The following GNG2 variants were observed in gnomAD, a reference collection of about 807,000 sequenced individuals.
GNG2 encodes G protein subunit gamma 2.
Under a neutral mutation model 5.5 loss-of-function variants are expected in GNG2, and 5 were observed. The ratio of observed to expected loss-of-function variants is 0.91; its 90% CI spans 0.48 to 1.92. The LOEUF (loss-of-function observed/expected upper bound fraction) is 1.92, where lower values mean the gene tolerates loss of function less well. GNG2 is among the 30% of genes most tolerant of loss of function. The probability of loss-of-function intolerance (pLI) is 0.01; values close to 1 mark genes in which losing one functional copy is unlikely to be tolerated. For missense variants in GNG2, 55 were observed against 88.4 expected, an observed-to-expected ratio of 0.62 and a Z score of 1.52; for synonymous variants, 28 against 32.0, an observed-to-expected ratio of 0.88 and a Z score of 0.42.
intron 2 of GNG2, among the ~76,000 whole-genome samples, chr14:51,906,319 C>T (rs1471242237): frequency 6.6e-6 from 1 of 152,228 alleles, no homozygotes; most frequent in Admixed American, 6.5e-5. Flanking sequence ...ATGTACCATA[C>T]TTACTGATAT....
intron 3 of GNG2, among the ~76,000 whole-genome samples, chr14:51,959,582 A>G (rs931844997): frequency 2.6e-5 from 4 of 152,148 alleles, no homozygotes; most frequent in Non-Finnish European, 5.9e-5. Context: ...ACTTTGATAA[A>G]GCAGTAGCCT....
intron 2 of GNG2, among the ~76,000 whole-genome samples, chr14:51,943,230 C>G (rs973407630): frequency 1.4e-4 from 21 of 152,094 alleles, no homozygotes; most frequent in Non-Finnish European, 2.9e-4. Flanking sequence ...AATGAATCAC[C>G]CTCTTTTTAA....
chr14:51,922,400 T>A (rs1469616755), intron 2 of GNG2, among the ~76,000 whole-genome samples: 1 of 151,734 alleles, frequency 6.6e-6, no homozygotes, highest in Non-Finnish European at 1.5e-5. Flanking sequence ...AGCACTAGAG[T>A]CTCTCAGTGT....
chr14:51,846,701 C>T (rs1219170893), intron 2 of GNG2, among the ~76,000 whole-genome samples: 2 of 152,046 alleles, frequency 1.3e-5, no homozygotes, highest in Admixed American at 1.3e-4. Context: ...ATCTGCCTGC[C>T]CGTCACCATG....
chr14:51,947,350 C>T (rs11623464), intron 2 of GNG2, among the ~76,000 whole-genome samples: 47,740 of 151,760 alleles, frequency 0.31, 8,396 homozygotes, highest in Non-Finnish European at 0.39. Context: ...AATAGATTAT[C>T]CTGGATTATC....
Position 51,942,600 on chromosome 14 carries a change from T to TC in GNG2, c.-29-8050_-29-8049insC, listed in dbSNP as rs1566703441. 3.6e-5 allele frequency among the ~76,000 whole-genome samples: 5 copies of TC among 139,120 alleles called. No individual in the cohort carries two copies. In the East Asian group the frequency reaches 8.0e-4, roughly 22 times the overall value. 91.3% of individuals were successfully genotyped at this position (139,120 alleles called of 152,430 possible). A position where few individuals can be genotyped will look rare whatever the true frequency, so the allele number is the denominator to read the frequency against. Reference sequence around the variant, plus strand: ...TTCTTTCTTTCTTTCTTTTTTTTTTTTTTTTTAGAGACAGGGACTCACTGT... The same window carrying TC: ...TTCTTTCTTTCTTTCTTTTTTTTTTTCTTTTTTAGAGACAGGGACTCACTGT... On this transcript the variant is annotated intron_variant, in intron 2 of 3. Coordinates refer to ENST00000556766, the MANE Select transcript of GNG2 (RefSeq NM_053064.5).
intron 2 of GNG2, among the ~76,000 whole-genome samples, chr14:51,829,755 A>G (rs531782315): frequency 6.6e-6 from 1 of 151,590 alleles, no homozygotes; most frequent in African/African-American, 2.4e-5. Flanking sequence ...CATCAAGACC[A>G]CCAGAGACAT....
intron 2 of GNG2, among the ~76,000 whole-genome samples, chr14:51,945,892 C>T (rs1017581413): frequency 4.9e-5 from 6 of 122,590 alleles, no homozygotes; most frequent in South Asian, 5.3e-4. Flanking sequence ...CTTCCTCTCA[C>T]GTTGCGTTGT....
chr14:51,916,378 T>C (rs1254362335), intron 2 of GNG2: 1 of 430,588 alleles, frequency 2.3e-6, no homozygotes, highest in Non-Finnish European at 4.6e-6. Context: ...GTTGGCAGAA[T>C]ATGGTGGGAA....
At chr14:51,848,588 T>C (rs1043602381) in intron 2 of GNG2, among the ~76,000 whole-genome samples, 2 of 152,220 alleles carry the variant, frequency 1.3e-5, no homozygotes, top group Non-Finnish European at 2.9e-5. Context: ...TTCAGGTCTC[T>C]GTCTAAATGT....
chr14:51,960,448 C>A (rs1310114129), intron 3 of GNG2, among the ~76,000 whole-genome samples: 1 of 151,050 alleles, frequency 6.6e-6, no homozygotes. Context: ...GTCTATAAAT[C>A]TGCTAATTCT....
intron 2 of GNG2, among the ~76,000 whole-genome samples, chr14:51,950,077 A>G (rs1246065373): frequency 2.6e-5 from 4 of 152,352 alleles, no homozygotes; most frequent in Admixed American, 2.6e-4. Context: ...TTCCAGATTT[A>G]TAAAAGAAAT....
intron 3 of GNG2, among the ~76,000 whole-genome samples, chr14:51,958,337 C>T (rs1013215887): frequency 1.3e-4 from 19 of 150,092 alleles, no homozygotes; most frequent in African/African-American, 4.7e-4. Context: ...GATCTAGATG[C>T]CAAATGTGCT....
intron 3 of GNG2, chr14:51,952,230 A>C: frequency 3.8e-6 from 1 of 266,478 alleles, no homozygotes; most frequent in Non-Finnish European, 7.1e-6. Context: ...TCTCCTTTGT[A>C]AAATTTGATG....
chr14:51,877,776 C>CATAG, intron 2 of GNG2, 119 bp downstream of exon 2: 1 of 318,794 alleles, frequency 3.1e-6, no homozygotes, highest in Admixed American at 4.0e-5. Context: ...AAGAAACAGT[C>CATAG]ATAGAGTCCT....
rs1881880267 is a variant in GNG2 at position 51,850,954 on chromosome 14, G to A, written c.64+23147G>A. ...CACCAGGCCCCACCTCCAACACTGG[G>A]AATTACAGTTCAACATGAGATTTGG... On this transcript the variant is annotated intron_variant, in intron 2 of 3. Coordinates refer to the GNG2 transcript ENST00000553432. 2.0e-5 allele frequency among the ~76,000 whole-genome samples: 3 copies of A among 152,176 alleles called. No homozygotes were observed. In the South Asian group the frequency reaches 6.2e-4, roughly 31 times the overall value.
At chr14:51,951,794 G>T (rs1888990355) in intron 3 of GNG2, 1 of 678,898 alleles carries the variant, frequency 1.5e-6, no homozygotes, top group South Asian at 1.6e-5. Flanking sequence ...ATTGTCTATG[G>T]CTGCTTTCAC....
chr14:51,920,141 T>A (rs779189525), intron 2 of GNG2, among the ~76,000 whole-genome samples: 4 of 152,114 alleles, frequency 2.6e-5, no homozygotes, highest in Non-Finnish European at 5.9e-5. Flanking sequence ...ATATGGTATT[T>A]GTGGGATGTA....
At chr14:51,862,449 T>A (rs528479047) in intron 1 of GNG2, among the ~76,000 whole-genome samples, 1 of 152,364 alleles carries the variant, frequency 6.6e-6, no homozygotes, top group African/African-American at 2.4e-5. Context: ...CGATCCAGAA[T>A]GACCCAGTGG....
Sources: allele counts gnomAD v4.1 joint callset (sites outside exome capture counted in the v4.1 genomes callset), GRCh38; gene constraint gnomAD v4.1.1; transcripts MANE v1.5; gene names NCBI Gene and HGNC (gene_info 2026-07-23, HGNC 2026-07-21).